The following RAD51B variants were observed in gnomAD, a reference collection of about 807,000 sequenced individuals.
RAD51B encodes the protein DNA repair protein RAD51 homolog 2.
Under a neutral mutation model 42.2 loss-of-function variants are expected in RAD51B, and 38 were observed. That is an observed-to-expected ratio of 0.90 (90% CI 0.70 to 1.18). The LOEUF (loss-of-function observed/expected upper bound fraction) is 1.18, where lower values mean the gene tolerates loss of function less well. Ranked by LOEUF, RAD51B falls within the 50% of genes most tolerant of loss-of-function variation. RAD51B has a pLI of 0.00. For synonymous variants in RAD51B, 154 were observed against 145.2 expected, an observed-to-expected ratio of 1.06 and a Z score of -0.43; for missense variants, 373 against 400.7, an observed-to-expected ratio of 0.93 and a Z score of 0.59.
intron 2 of RAD51B, among the ~76,000 whole-genome samples, chr14:67,825,096 A>AC (rs1299431732): frequency 6.6e-6 from 1 of 150,396 alleles, no homozygotes; most frequent in Non-Finnish European, 1.5e-5. Context: ...AAAAAAAAAA[A>AC]AAAAAAAAAA....
At chr14:68,560,172 A>G (rs1232742736) in intron 10 of RAD51B, among the ~76,000 whole-genome samples, 1 of 152,080 alleles carries the variant, frequency 6.6e-6, no homozygotes, top group Non-Finnish European at 1.5e-5. Context: ...CCCTTTTCCC[A>G]TCAAATGGGC....
intron 11 of RAD51B, among the ~76,000 whole-genome samples, chr14:68,660,602 C>T (rs1892912749): frequency 6.6e-6 from 1 of 152,206 alleles, no homozygotes; most frequent in Admixed American, 6.5e-5. Flanking sequence ...CATGCGGCAA[C>T]AGACACTGCT....
chr14:68,207,479 G>A (rs1243496745), intron 7 of RAD51B, among the ~76,000 whole-genome samples: 1 of 152,162 alleles, frequency 6.6e-6, no homozygotes, highest in Non-Finnish European at 1.5e-5. Context: ...ATTAAGATTA[G>A]GAAGTCATCC....
chr14:68,020,461 A>T (rs2075845964), intron 7 of RAD51B, among the ~76,000 whole-genome samples: 1 of 152,104 alleles, frequency 6.6e-6, no homozygotes, highest in Non-Finnish European at 1.5e-5. Context: ...AACATCACTT[A>T]AAGTTACTTT....
chr14:67,864,136 C>A (rs1467038772), intron 4 of RAD51B, among the ~76,000 whole-genome samples: 1 of 152,146 alleles, frequency 6.6e-6, no homozygotes, highest in Non-Finnish European at 1.5e-5. Flanking sequence ...AAGAGGGAAA[C>A]TGCCACCATG....
intron 10 of RAD51B, among the ~76,000 whole-genome samples, chr14:68,509,405 G>C (rs1313128312): frequency 2.6e-5 from 4 of 152,244 alleles, no homozygotes; most frequent in Non-Finnish European, 4.4e-5. Flanking sequence ...GTGAACTTCA[G>C]TGAGTTGCTT....
At chr14:68,486,965 G>C (rs1236146382) in intron 10 of RAD51B, among the ~76,000 whole-genome samples, 5 of 152,152 alleles carry the variant, frequency 3.3e-5, no homozygotes, top group Non-Finnish European at 7.3e-5. Flanking sequence ...TCTTAACTGG[G>C]ATTACCAACA....
At chr14:67,995,718 T>C (rs1182227893) in intron 7 of RAD51B, among the ~76,000 whole-genome samples, 3 of 151,534 alleles carry the variant, frequency 2.0e-5, no homozygotes, top group African/African-American at 4.8e-5. Flanking sequence ...CCTGGGTTCA[T>C]GCCATTCTCC....
chr14:68,625,337 G>C (rs1158279982), intron 10 of RAD51B, among the ~76,000 whole-genome samples: 1 of 152,158 alleles, frequency 6.6e-6, no homozygotes, highest in Non-Finnish European at 1.5e-5. Context: ...CATACGCTGT[G>C]CCTCAAGCCA....
At chr14:68,665,699 A>C (rs1019531722) in intron 11 of RAD51B, among the ~76,000 whole-genome samples, 13 of 152,214 alleles carry the variant, frequency 8.5e-5, no homozygotes, top group African/African-American at 3.1e-4. Context: ...CTGCCCCTAG[A>C]GGTGCTTTTC....
chr14:68,570,987 C>T (rs1354340298), intron 10 of RAD51B, among the ~76,000 whole-genome samples: 1 of 152,162 alleles, frequency 6.6e-6, no homozygotes, highest in Non-Finnish European at 1.5e-5. Context: ...ACCGCTCACA[C>T]ATACAGCATT....
chr14:68,218,537 ACCTGAATG>A, intron 7 of RAD51B, among the ~76,000 whole-genome samples: 1 of 152,206 alleles, frequency 6.6e-6, no homozygotes, highest in East Asian at 1.9e-4. Flanking sequence ...TTTTGCTATT[ACCTGAATG>A]TAAGTGCTAT....
At chr14:68,034,599 G>GTTTT in intron 7 of RAD51B, among the ~76,000 whole-genome samples, 1 of 152,204 alleles carries the variant, frequency 6.6e-6, no homozygotes, top group Admixed American at 6.5e-5. Context: ...CAATAAGAAT[G>GTTTT]TTGAAAAGAT....
At chr14:68,036,964 T>C (rs1290152393) in intron 7 of RAD51B, among the ~76,000 whole-genome samples, 1 of 152,010 alleles carries the variant, frequency 6.6e-6, no homozygotes, top group Non-Finnish European at 1.5e-5. Context: ...GTTTCACTTT[T>C]TTTTTTCTTT....
At chr14:68,200,071 C>A (rs1048620410) in intron 7 of RAD51B, among the ~76,000 whole-genome samples, 1 of 152,036 alleles carries the variant, frequency 6.6e-6, no homozygotes, top group Non-Finnish European at 1.5e-5. Flanking sequence ...GTAGAAAATG[C>A]GGAGAATTAA....
intron 10 of RAD51B, among the ~76,000 whole-genome samples, chr14:68,630,634 G>A (rs1191220277): frequency 6.6e-6 from 1 of 152,210 alleles, no homozygotes; most frequent in Non-Finnish European, 1.5e-5. Flanking sequence ...ATCTGGGCAG[G>A]AGGTGCCAGG....
chr14:68,182,685 T>C (rs577336493), intron 7 of RAD51B, among the ~76,000 whole-genome samples: 25 of 152,380 alleles, frequency 1.6e-4, no homozygotes, highest in South Asian at 1.0e-3. Flanking sequence ...GAAAGAGACA[T>C]GTACTGCAGA....
chr14:68,261,708 C>T (rs28498223), intron 7 of RAD51B, among the ~76,000 whole-genome samples: 63,618 of 151,918 alleles, frequency 0.42, 17,315 homozygotes, highest in African/African-American at 0.77. Flanking sequence ...ACAATCCCCA[C>T]GTAAGATGTA....
At chr14:68,643,249 A>C (rs1892499746) in intron 10 of RAD51B, among the ~76,000 whole-genome samples, 1 of 152,212 alleles carries the variant, frequency 6.6e-6, no homozygotes, top group Non-Finnish European at 1.5e-5. Context: ...ACCCTAAATC[A>C]TTATGGGATG....
Sources: allele counts gnomAD v4.1 joint callset (sites outside exome capture counted in the v4.1 genomes callset), GRCh38; gene constraint gnomAD v4.1.1; transcripts MANE v1.5; gene names NCBI Gene and HGNC (gene_info 2026-07-23, HGNC 2026-07-21).